Variants in GRM8 observed in about 807,000 individuals in gnomAD.
The protein encoded by GRM8 is glutamate metabotropic receptor 8, also known as metabotropic glutamate receptor 8.
A neutral mutation model predicts 87.2 loss-of-function variants in GRM8; 47 were observed. The observed-to-expected ratio is 0.54, with a 90% confidence interval of 0.43 to 0.69. The LOEUF (loss-of-function observed/expected upper bound fraction) is 0.69. Ranked by LOEUF, GRM8 falls within the 30% of genes least tolerant of loss-of-function variation. The pLI is 0.00. For missense variants in GRM8, 1,019 were observed against 1,139.2 expected, an observed-to-expected ratio of 0.89 and a Z score of 1.52; for synonymous variants, 396 against 404.5, an observed-to-expected ratio of 0.98 and a Z score of 0.25.
intron 2 of GRM8, among the ~76,000 whole-genome samples, chr7:127,148,082 T>C (rs565924112): frequency 7.9e-5 from 12 of 152,012 alleles, no homozygotes; most frequent in Non-Finnish European, 1.8e-4. Flanking sequence ...ATGCCTCCAG[T>C]GATTTGTAGA....
At chr7:126,813,819 G>A (rs1793519766) in intron 6 of GRM8, among the ~76,000 whole-genome samples, 1 of 151,974 alleles carries the variant, frequency 6.6e-6, no homozygotes, top group Non-Finnish European at 1.5e-5. Context: ...TTTCTAATTT[G>A]GGGCATACCA....
chr7:126,738,990 G>A (rs150416764), intron 7 of GRM8, among the ~76,000 whole-genome samples: 156 of 151,974 alleles, frequency 1.0e-3, no homozygotes, highest in African/African-American at 3.7e-3. Flanking sequence ...CTTCAGCAAC[G>A]TGCAAATCAG....
chr7:127,239,018 C>T (rs1441850898), intron 2 of GRM8, among the ~76,000 whole-genome samples: 3 of 152,168 alleles, frequency 2.0e-5, no homozygotes, highest in Non-Finnish European at 2.9e-5. Flanking sequence ...ACCTAGATCC[C>T]TTGCATCAGG....
chr7:126,910,278 T>C (rs571223741), intron 3 of GRM8, among the ~76,000 whole-genome samples: 1 of 151,984 alleles, frequency 6.6e-6, no homozygotes, highest in Non-Finnish European at 1.5e-5. Context: ...TAATTTTACT[T>C]TTTTTTGTTA....
intron 3 of GRM8, among the ~76,000 whole-genome samples, chr7:127,102,826 G>A (rs911606639): frequency 1.3e-5 from 2 of 152,144 alleles, no homozygotes; most frequent in Non-Finnish European, 2.9e-5. Flanking sequence ...CCCAGTGGGG[G>A]CACTGCCAAA....
At chr7:127,056,330 G>A (rs1440643389) in intron 3 of GRM8, among the ~76,000 whole-genome samples, 1 of 152,142 alleles carries the variant, frequency 6.6e-6, no homozygotes, top group East Asian at 1.9e-4. Flanking sequence ...TAAAGAAGCA[G>A]GAGATCACAC....
intron 3 of GRM8, among the ~76,000 whole-genome samples, chr7:126,979,933 C>A (rs1379913656): frequency 6.6e-6 from 1 of 152,230 alleles, no homozygotes; most frequent in Non-Finnish European, 1.5e-5. Context: ...TCATTATACA[C>A]ATCTGCATTG....
At chr7:127,243,697 AT>A (rs147712114) in intron 1 of GRM8, among the ~76,000 whole-genome samples, 182 bp from the exon 2 acceptor site, 3,617 of 152,266 alleles carry the variant, frequency 0.024, 58 homozygotes, top group Non-Finnish European at 0.031. Context: ...GATTGATCAT[AT>A]TTTTGGAGCA....
chr7:126,750,864 G>A (rs1249694657), intron 7 of GRM8, among the ~76,000 whole-genome samples: 10 of 151,790 alleles, frequency 6.6e-5, no homozygotes, highest in Non-Finnish European at 1.5e-4. Context: ...CATTAGAGGT[G>A]GTATACCTTA....
intron 6 of GRM8, 103 bp from the exon 7 acceptor site, chr7:126,770,168 C>T (rs1399814320): frequency 2.8e-6 from 2 of 720,810 alleles, no homozygotes; most frequent in East Asian, 2.7e-5. Context: ...TAATGAGACA[C>T]GACTATTTGA....
At chr7:126,867,639 C>T (rs1204522) in intron 6 of GRM8, among the ~76,000 whole-genome samples, 2 of 151,932 alleles carry the variant, frequency 1.3e-5, no homozygotes, top group South Asian at 2.1e-4. Flanking sequence ...CCTATCAAAA[C>T]GGTCAGTTGG....
At chr7:126,467,029 T>C (rs1432201714) in intron 9 of GRM8, among the ~76,000 whole-genome samples, 1 of 151,996 alleles carries the variant, frequency 6.6e-6, no homozygotes, top group Non-Finnish European at 1.5e-5. Context: ...AGTTTGGGTA[T>C]ACATGTGCAG....
intron 8 of GRM8, among the ~76,000 whole-genome samples, chr7:126,607,804 C>T (rs1281560141): frequency 6.6e-6 from 1 of 151,416 alleles, no homozygotes; most frequent in Non-Finnish European, 1.5e-5. Flanking sequence ...CCCACTAACT[C>T]GTCATCTAGC....
intron 6 of GRM8, among the ~76,000 whole-genome samples, chr7:126,855,411 C>A (rs1249397810): frequency 6.6e-6 from 1 of 151,772 alleles, no homozygotes; most frequent in Non-Finnish European, 1.5e-5. Context: ...GGAAACTTGT[C>A]CAAAGTCACG....
intron 3 of GRM8, among the ~76,000 whole-genome samples, chr7:127,001,928 C>CA (rs1345091412): frequency 1.1e-4 from 17 of 151,252 alleles, no homozygotes; most frequent in Non-Finnish European, 2.1e-4. Context: ...TTTTTCTGAG[C>CA]AAAAAAAGAT....
At chr7:127,001,910 CA>C (rs1469704281) in intron 3 of GRM8, among the ~76,000 whole-genome samples, 3 of 151,496 alleles carry the variant, frequency 2.0e-5, no homozygotes, top group East Asian at 3.9e-4. Context: ...GAATGAATTT[CA>C]AAAACATTTT....
rs150981355 is a variant in GRM8, at chr7:126,977,930, A to T, written c.728-73247T>A. ...AAATTTTAAAGTACTTATAGAAATG[A>T]AGTATCCACAAATGAAAAGTAATAA... On this transcript the variant is annotated intron_variant, in intron 3 of 10. Transcript: ENST00000339582. Among the ~76,000 whole-genome samples, 945 of 152,320 alleles carry T rather than the reference A, an allele frequency of 6.2e-3. 12 individuals carry two copies. The highest frequency in any genetic ancestry group is 0.021 in the African/African-American group (888 of 41,584).
At chr7:126,635,008 G>A (rs996725724) in intron 7 of GRM8, among the ~76,000 whole-genome samples, 3 of 152,132 alleles carry the variant, frequency 2.0e-5, no homozygotes, top group African/African-American at 7.2e-5. Context: ...CCATCCCTGT[G>A]CGTGTTCCCT....
intron 3 of GRM8, among the ~76,000 whole-genome samples, chr7:127,023,076 T>C (rs1816433568): frequency 6.6e-6 from 1 of 152,070 alleles, no homozygotes; most frequent in South Asian, 2.1e-4. Flanking sequence ...ACTTACAGGG[T>C]GATTTTTCTA....
Sources: gnomAD v4.1 joint callset for allele counts (sites outside exome capture counted in the v4.1 genomes callset) on GRCh38, gnomAD v4.1.1 for gene constraint, MANE v1.5 for transcripts, NCBI Gene and HGNC (gene_info 2026-07-23, HGNC 2026-07-21) for gene names.